REV3L: variants seen among roughly 807,000 people sequenced by gnomAD.
REV3L encodes DNA polymerase zeta catalytic subunit.
REV3L carries 69 observed loss-of-function variants against 299.4 expected under a neutral mutation model. That is an observed-to-expected ratio of 0.23 (90% confidence interval 0.19 to 0.28). REV3L has a LOEUF of 0.28. REV3L is among the 10% of genes least tolerant of loss of function. REV3L has a pLI of 1.00. For missense variants in REV3L, 3,128 were observed against 3,693.8 expected, an observed-to-expected ratio of 0.85 and a Z score of 3.97; for synonymous variants, 1,238 against 1,271.4, an observed-to-expected ratio of 0.97 and a Z score of 0.56.
At position 111,422,613 on chromosome 6, in the gene REV3L, CACATATATATATATATACACAT is replaced by C. The variant is rs1785567345; in HGVS notation, c.140-6163_140-6142del. 9.7e-4 allele frequency among the ~76,000 whole-genome samples: 7 copies of C among 7,186 alleles called. 1 individual carries two copies. Among genetic ancestry groups the C allele is most frequent in the African/African-American group, 3.2e-3 (7 of 2,178 alleles). 4.7% of individuals were successfully genotyped at this position (7,186 alleles called of 152,430 possible). A position where few individuals can be genotyped will look rare whatever the true frequency, so the allele number is the denominator to read the frequency against. On this transcript the variant is annotated intron_variant, in intron 1 of 31. Transcript: ENST00000368802. ...ATATATACACATATATATATATATA[CACATATATATATATATACACAT>C]ATATATATATATACATATATATATA...
intron 1 of REV3L, among the ~76,000 whole-genome samples, chr6:111,481,198 G>A (rs1793589051): frequency 1.3e-5 from 2 of 152,192 alleles, no homozygotes; most frequent in Middle Eastern, 3.4e-3. Flanking sequence ...TTTATGATTC[G>A]GAAATTTGGC....
At chr6:111,302,181 C>G (rs1422664545) in intron 31 of REV3L, among the ~76,000 whole-genome samples, 1 of 152,224 alleles carries the variant, frequency 6.6e-6, no homozygotes, top group Non-Finnish European at 1.5e-5. Flanking sequence ...AGACTGCTTA[C>G]AAACATGTGC....
intron 1 of REV3L, chr6:111,431,292 C>T: frequency 7.7e-7 from 1 of 1,305,190 alleles, no homozygotes; most frequent in Non-Finnish European, 1.1e-6. Flanking sequence ...GAAGGCCATA[C>T]TAGGACACCT....
chr6:111,315,183 T>G, intron 27 of REV3L, 84 bp downstream of exon 27: 1 of 1,114,596 alleles, frequency 9.0e-7, no homozygotes, highest in South Asian at 1.4e-5. Context: ...CTGTTAGTGA[T>G]TCTGAAAATG....
At chr6:111,416,541 C>T (rs992213527) in intron 1 of REV3L, 69 bp from the exon 2 acceptor site, 1 of 1,289,902 alleles carries the variant, frequency 7.8e-7, no homozygotes, top group Non-Finnish European at 1.1e-6. Context: ...CAGAATGAAA[C>T]TCATTTAAAT....
At chr6:111,391,783 A>G (rs1781958860) in intron 5 of REV3L, among the ~76,000 whole-genome samples, 1 of 152,202 alleles carries the variant, frequency 6.6e-6, no homozygotes, top group Non-Finnish European at 1.5e-5. Flanking sequence ...GTAGTCCCAG[A>G]TACTTGGGAG....
intron 5 of REV3L, among the ~76,000 whole-genome samples, chr6:111,390,678 T>C (rs1307795258): frequency 1.3e-5 from 2 of 152,190 alleles, no homozygotes; most frequent in Non-Finnish European, 2.9e-5. Context: ...ACTGCTGAGA[T>C]AGGGAATACT....
chr6:111,301,756 T>G (rs547143121), intron 31 of REV3L, among the ~76,000 whole-genome samples: 6 of 152,284 alleles, frequency 3.9e-5, no homozygotes, highest in Admixed American at 1.3e-4. Context: ...AGAGAAGCAC[T>G]ATAATGTTTT....
chr6:111,479,562 T>C (rs888381866), intron 1 of REV3L, among the ~76,000 whole-genome samples: 1 of 142,922 alleles, frequency 7.0e-6, no homozygotes, highest in South Asian at 2.5e-4. Flanking sequence ...CAGGCTGGAG[T>C]GCAGTGGCGT....
At chr6:111,362,301 A>G (rs1187518160) in intron 16 of REV3L, among the ~76,000 whole-genome samples, 1 of 152,206 alleles carries the variant, frequency 6.6e-6, no homozygotes, top group Non-Finnish European at 1.5e-5. Flanking sequence ...TCTCAGTTCA[A>G]ATGTGAAGAA....
chr6:111,375,291 C>T lies in REV3L; in HGVS notation c.3064G>A (p.Asp1022Asn). ...GAGTCGGGAACTTTTGGCCAAAAGT[C>T]CTTCAAAGGTGCAAGCTTTTTATAT... ...ELYKKLAPLK[D>N]FWPKVPDSPA... The change falls in exon 13 of 32, where the codon GAC becomes AAC. Residue 1022 changes from aspartate (D) to asparagine (N), a missense_variant. Physicochemically the swap from Asp to Asn is conservative, Grantham distance 23. Around this residue, in one of 9 missense-constraint regions of REV3L, gnomAD observed 2,409 missense variants for 2,611.8 expected, o/e 0.92. Transcript: ENST00000368802. 6.3e-7 allele frequency: 1 copy of T among 1,599,100 alleles called. No individual in the cohort carries two copies. The highest frequency in any genetic ancestry group is 8.5e-7 in the Non-Finnish European group (1 of 1,176,616).
intron 1 of REV3L, among the ~76,000 whole-genome samples, chr6:111,422,945 A>G (rs2128292119): frequency 6.6e-6 from 1 of 151,944 alleles, no homozygotes; most frequent in South Asian, 2.1e-4. Flanking sequence ...ATTAATCCCA[A>G]ATTACTAAGA....
In REV3L at chr6:111,348,602, C is replaced by T. The variant is rs460594; in HGVS notation, c.7419+616G>A. Among the ~76,000 whole-genome samples, 7 of 151,976 alleles carry T rather than the reference C, an allele frequency of 4.6e-5. 1 individual carries two copies. Among genetic ancestry groups the T allele is most frequent in the African/African-American group, 1.7e-4 (7 of 41,330 alleles). On this transcript the variant is annotated intron_variant, in intron 20 of 31. Transcript: ENST00000368802. ...TGGCCTTAAGTGCAAAAATGACTTC[C>T]GTGAAAAAAATACGGTGAAATTAGA...
At chr6:111,480,280 ATATAAAC>A (rs1421757092) in intron 1 of REV3L, among the ~76,000 whole-genome samples, 3 of 152,240 alleles carry the variant, frequency 2.0e-5, no homozygotes, top group African/African-American at 7.2e-5. Context: ...GTTAGTAAAG[ATATAAAC>A]TATAAAGATA....
intron 31 of REV3L, among the ~76,000 whole-genome samples, chr6:111,305,597 TAAAATA>T (rs1469277276): frequency 6.6e-6 from 1 of 151,210 alleles, no homozygotes; most frequent in Admixed American, 6.6e-5. Context: ...AAAAATAAAA[TAAAATA>T]AAAATAAATA....
At position 111,465,819 on chromosome 6, in the gene REV3L, A is replaced by G. The variant is rs1283070828; in HGVS notation, c.139+16931T>C. On this transcript the variant is annotated intron_variant, in intron 1 of 31. Coordinates refer to ENST00000368802, the MANE Select transcript of REV3L (RefSeq NM_001372078.1). ...AAAACTGAACTGACATAAAAAGATTAAAAATAGTGATGAAAAACGATTTAT... is the reference window on the plus strand; with the variant it reads ...AAAACTGAACTGACATAAAAAGATTGAAAATAGTGATGAAAAACGATTTAT... Among the ~76,000 whole-genome samples the G allele has an allele frequency of 5.9e-5, 9 of 151,906 alleles. No homozygotes were observed. The East Asian group carries it at 1.7e-3, about 29-fold the overall frequency.
chr6:111,482,285 GACA>G (rs994485099), intron 1 of REV3L, among the ~76,000 whole-genome samples: 17 of 152,216 alleles, frequency 1.1e-4, no homozygotes, highest in South Asian at 2.1e-4. Flanking sequence ...GGGAGCGACT[GACA>G]ACAAGGCTGA....
At chr6:111,411,845 AACCATCC>A in intron 2 of REV3L, 1 of 314,614 alleles carries the variant, frequency 3.2e-6, no homozygotes, top group Non-Finnish European at 4.6e-6. Context: ...AGGAAGAACA[AACCATCC>A]ACCCCTTAAT....
chr6:111,317,610 T>A (rs1424441503), intron 26 of REV3L, among the ~76,000 whole-genome samples: 11 of 152,156 alleles, frequency 7.2e-5, no homozygotes, highest in Non-Finnish European at 1.6e-4. Flanking sequence ...TTCAGTCTAT[T>A]CCTGGCCCCA....
Sources: allele counts gnomAD v4.1 joint callset (sites outside exome capture counted in the v4.1 genomes callset), GRCh38; gene constraint gnomAD v4.1.1; regional missense constraint gnomAD v4.1.1; transcripts MANE v1.5; gene names NCBI Gene and HGNC (gene_info 2026-07-23, HGNC 2026-07-21).